TENM3: variants seen among roughly 807,000 people sequenced by gnomAD.
TENM3 encodes the protein teneurin-3.
A neutral mutation model predicts 255.1 loss-of-function variants in TENM3; 63 were observed. That is an observed-to-expected ratio of 0.25 (90% CI 0.20 to 0.30). The LOEUF (loss-of-function observed/expected upper bound fraction) is 0.30. Among genes scored for constraint, TENM3 ranks in the 10% least tolerant of loss-of-function variants. TENM3 has a pLI of 1.00. For missense variants in TENM3, 2,929 were observed against 3,461.1 expected, an observed-to-expected ratio of 0.85 and a Z score of 3.86; for synonymous variants, 1,306 against 1,322.3, an observed-to-expected ratio of 0.99 and a Z score of 0.27.
chr4:182,169,761 T>C (rs1217781589), intron 1 of TENM3, among the ~76,000 whole-genome samples: 1 of 152,106 alleles, frequency 6.6e-6, no homozygotes, highest in Non-Finnish European at 1.5e-5. Context: ...AGCTGACATA[T>C]ATAACATGTA....
the TENM3 span, among the ~76,000 whole-genome samples, chr4:181,543,319 G>T: frequency 7.2e-5 from 11 of 151,964 alleles, no homozygotes; most frequent in Non-Finnish European, 1.0e-4. Context: ...AATACACAAA[G>T]GATAAAATGT....
At chr4:181,636,970 C>T in the TENM3 span, among the ~76,000 whole-genome samples, 1 of 152,138 alleles carries the variant, frequency 6.6e-6, no homozygotes, top group South Asian at 2.1e-4. Flanking sequence ...CATTTCGCTT[C>T]GCTTGATGTT....
chr4:181,449,768 G>A, the TENM3 span, among the ~76,000 whole-genome samples: 7 of 152,106 alleles, frequency 4.6e-5, no homozygotes, highest in African/African-American at 7.2e-5. Flanking sequence ...GCCTGGGCAC[G>A]ACAGAGTGAG....
the TENM3 span, among the ~76,000 whole-genome samples, chr4:181,795,695 G>A: frequency 3.3e-5 from 5 of 152,250 alleles, no homozygotes; most frequent in South Asian, 1.0e-3. Flanking sequence ...GACAATAATT[G>A]AGAAAAATAT....
intron 4 of TENM3, among the ~76,000 whole-genome samples, chr4:182,610,031 T>C (rs1339003548): frequency 2.0e-5 from 3 of 152,170 alleles, no homozygotes; most frequent in Non-Finnish European, 2.9e-5. Context: ...ATTAGGTAGC[T>C]TTTTACCTTT....
chr4:182,153,847 A>G (rs1750511470), intron 1 of TENM3, among the ~76,000 whole-genome samples: 1 of 152,130 alleles, frequency 6.6e-6, no homozygotes, highest in Non-Finnish European at 1.5e-5. Context: ...ATTTCATGTA[A>G]ATGTGATGTA....
the TENM3 span, among the ~76,000 whole-genome samples, chr4:181,645,246 C>A: frequency 4.6e-5 from 7 of 152,270 alleles, no homozygotes; most frequent in East Asian, 1.2e-3. Flanking sequence ...CAGTTTTAGA[C>A]CTGATTCTTC....
At chr4:182,023,169 A>C in the TENM3 span, among the ~76,000 whole-genome samples, 1 of 152,140 alleles carries the variant, frequency 6.6e-6, no homozygotes, top group African/African-American at 2.4e-5. Context: ...CTTGGCTTCC[A>C]TTTATTTAAG....
Position 182,740,045 on chromosome 4 carries a change from A to G in TENM3, c.3379+1501A>G, listed in dbSNP as rs1403485566. ...AGTGAGACTCCGTCTCAAAAAACAA[A>G]AAAGGAAGAAAATGCTAGTGCCTTC... On this transcript the variant is annotated intron_variant, in intron 18 of 27. Coordinates refer to ENST00000511685, the MANE Select transcript of TENM3 (RefSeq NM_001080477.4). Among the ~76,000 whole-genome samples the G allele has an allele frequency of 2.0e-5, 3 of 152,340 alleles. No individual in the cohort carries two copies. In the East Asian group the frequency reaches 5.8e-4, roughly 29 times the overall value.
the TENM3 span, among the ~76,000 whole-genome samples, chr4:181,715,898 A>G: frequency 3.9e-5 from 6 of 152,222 alleles, no homozygotes; most frequent in African/African-American, 1.4e-4. Flanking sequence ...GATCACACTT[A>G]TTCCTCATAC....
At chr4:181,726,976 A>AGAT in the TENM3 span, among the ~76,000 whole-genome samples, 1 of 152,218 alleles carries the variant, frequency 6.6e-6, no homozygotes, top group Non-Finnish European at 1.5e-5. Flanking sequence ...CAAAGGATGC[A>AGAT]GATGGAGAGA....
the TENM3 span, among the ~76,000 whole-genome samples, chr4:181,593,734 A>T: frequency 6.6e-6 from 1 of 151,986 alleles, no homozygotes; most frequent in Admixed American, 6.6e-5. Flanking sequence ...AGCTTTTCTT[A>T]GTCCAGCCTT....
intron 1 of TENM3, among the ~76,000 whole-genome samples, chr4:182,295,130 A>G (rs1209724387): frequency 6.6e-6 from 1 of 152,020 alleles, no homozygotes; most frequent in East Asian, 1.9e-4. Context: ...CATTCCTGTA[A>G]TATTTAATAT....
At chr4:182,080,736 A>C in the TENM3 span, among the ~76,000 whole-genome samples, 1 of 152,200 alleles carries the variant, frequency 6.6e-6, no homozygotes, top group South Asian at 2.1e-4. Context: ...TCGCGCCCGT[A>C]ATCCCAGCAG....
intron 1 of TENM3, among the ~76,000 whole-genome samples, chr4:182,261,502 C>T (rs111231819): frequency 9.6e-4 from 146 of 152,288 alleles, no homozygotes; most frequent in African/African-American, 3.2e-3. Flanking sequence ...TTGTCATACA[C>T]GCCTTACTGA....
chr4:182,751,971 TGAC>T lies in TENM3; in HGVS notation c.3804_3806del (p.Asp1268del). 6.2e-7 allele frequency: 1 copy of T among 1,613,686 alleles called. No homozygotes were observed. On this transcript the variant is annotated inframe_deletion, in exon 20 of 28. Transcript: ENST00000511685. ...GGACAGGGGAGCAATGCCTTCCGTTTGACGAGGCGAGATGTGGGGATGGAGGGA... is the reference window on the plus strand; with the variant it reads ...GGACAGGGGAGCAATGCCTTCCGTTTGAGGCGAGATGTGGGGATGGAGGGA...
the TENM3 span, among the ~76,000 whole-genome samples, chr4:181,601,781 C>T: frequency 6.6e-6 from 1 of 152,084 alleles, no homozygotes; most frequent in African/African-American, 2.4e-5. Context: ...CTTTAAAGAC[C>T]TTATCTGCAA....
At chr4:181,447,621 C>G in the TENM3 span, among the ~76,000 whole-genome samples, 1 of 152,182 alleles carries the variant, frequency 6.6e-6, no homozygotes, top group African/African-American at 2.4e-5. Context: ...AGGTGAAGAG[C>G]TGCTTCCTCG....
chr4:182,614,486 CTATGAG>C (rs1561004356), intron 4 of TENM3, among the ~76,000 whole-genome samples: 2 of 152,166 alleles, frequency 1.3e-5, no homozygotes, highest in Non-Finnish European at 1.5e-5. Context: ...TACTGACTTA[CTATGAG>C]TATGTTTTAT....
Sources: gnomAD v4.1 joint callset for allele counts (sites outside exome capture counted in the v4.1 genomes callset) on GRCh38, gnomAD v4.1.1 for gene constraint, MANE v1.5 for transcripts, NCBI Gene and HGNC (gene_info 2026-07-23, HGNC 2026-07-21) for gene names.